The following UBLCP1 variants were observed in gnomAD, a reference collection of about 807,000 sequenced individuals.
UBLCP1 encodes the protein ubiquitin like domain containing CTD phosphatase 1.
A neutral mutation model predicts 42.4 loss-of-function variants in UBLCP1; 28 were observed. The ratio of observed to expected loss-of-function variants is 0.66; its 90% CI spans 0.49 to 0.90. The LOEUF (loss-of-function observed/expected upper bound fraction) is 0.90, where lower values mean the gene tolerates loss of function less well. Ranked by LOEUF, UBLCP1 falls within the 40% of genes least tolerant of loss-of-function variation. The probability of loss-of-function intolerance (pLI) is 0.00; values close to 1 mark genes in which losing one functional copy is unlikely to be tolerated. For synonymous variants in UBLCP1, 122 were observed against 120.8 expected (o/e 1.01, Z -0.07); for missense variants, 279 against 374.5 (o/e 0.75, Z 2.10).
intron 1 of UBLCP1, among the ~76,000 whole-genome samples, chr5:159,267,327 G>A (rs1323413436): frequency 6.6e-6 from 1 of 152,100 alleles, no homozygotes; most frequent in Non-Finnish European, 1.5e-5. Flanking sequence ...GACTTGCATG[G>A]GCCCTGTAAC....
At chr5:159,275,368 G>T in intron 8 of UBLCP1, 122 bp downstream of exon 8, 36 of 366,978 alleles carry the variant, frequency 9.8e-5, no homozygotes, top group Non-Finnish European at 1.3e-4. Flanking sequence ...AAGTGGTTGA[G>T]TTTTGACATA....
At chr5:159,270,289 T>C (rs1413431046) in intron 3 of UBLCP1, 71 bp from the exon 4 acceptor site, 1 of 1,251,320 alleles carries the variant, frequency 8.0e-7, no homozygotes, top group Non-Finnish European at 1.1e-6. Flanking sequence ...TCTCATTTTA[T>C]TTTTATGCTA....
intron 1 of UBLCP1, among the ~76,000 whole-genome samples, chr5:159,266,072 G>A (rs773729037): frequency 3.2e-4 from 48 of 152,298 alleles, no homozygotes; most frequent in African/African-American, 1.0e-3. Context: ...ACCCGAAAAC[G>A]TGGAAGCAAC....
chr5:159,279,195 C>T (rs1753575327), intron 9 of UBLCP1, among the ~76,000 whole-genome samples: 1 of 152,160 alleles, frequency 6.6e-6, no homozygotes, highest in Non-Finnish European at 1.5e-5. Context: ...TCCTGACTTG[C>T]CCAAGATTGT....
At chr5:159,282,755 TATCTC>T (rs1177862638) in intron 9 of UBLCP1, among the ~76,000 whole-genome samples, 1 of 152,114 alleles carries the variant, frequency 6.6e-6, no homozygotes, top group Non-Finnish European at 1.5e-5. Flanking sequence ...TGTATAATGA[TATCTC>T]AGCTATATAA....
chr5:159,285,428 G>T lies in UBLCP1; in HGVS notation c.*497G>T, dbSNP rs1343687302. The T allele has an allele frequency of 1.3e-5, 2 of 149,828 alleles. No homozygotes were observed. Among genetic ancestry groups the T allele is most frequent in the African/African-American group, 4.9e-5 (2 of 40,532 alleles). 9.3% of individuals were successfully genotyped at this position (149,828 alleles called of 1,614,324 possible). ...AACAAAAAAAAACTTTTTAATTAAA[G>T]AACCTAGTTTGCTATGCTTAAAATT... On this transcript the variant is annotated 3_prime_UTR_variant, in exon 11 of 11. Coordinates refer to ENST00000296786, the MANE Select transcript of UBLCP1 (RefSeq NM_145049.5).
At chr5:159,275,115 A>G (rs376244505) in intron 7 of UBLCP1, 33 bp from the exon 8 acceptor site, 22 of 1,581,860 alleles carry the variant, frequency 1.4e-5, no homozygotes, top group East Asian at 6.7e-5. Flanking sequence ...CCACACTACT[A>G]TGTTTTAACC....
chr5:159,279,994 C>A (rs1753589192), intron 9 of UBLCP1, among the ~76,000 whole-genome samples: 3 of 152,036 alleles, frequency 2.0e-5, no homozygotes, highest in Admixed American at 2.0e-4. Flanking sequence ...GAGCTCCATT[C>A]ATCTCTTGAT....
chr5:159,285,190 C>G lies in UBLCP1; in HGVS notation c.*259C>G, dbSNP rs910399979. On this transcript the variant is annotated 3_prime_UTR_variant, in exon 11 of 11. Coordinates refer to ENST00000296786, the MANE Select transcript of UBLCP1 (RefSeq NM_145049.5). ...AGCGTTGGTTACTGACCACCCCACC[C>G]TCCCACCACACACACACACACACAC... The G allele has an allele frequency of 3.2e-5, 13 of 407,442 alleles. No homozygotes were observed. The highest frequency in any genetic ancestry group is 2.9e-4 in the African/African-American group (13 of 45,432). 25.2% of individuals were successfully genotyped at this position (407,442 alleles called of 1,614,324 possible).
intron 6 of UBLCP1, among the ~76,000 whole-genome samples, chr5:159,272,413 T>C (rs1234562683): frequency 6.6e-6 from 1 of 151,652 alleles, no homozygotes; most frequent in Admixed American, 6.6e-5. Context: ...CCTTCTGATT[T>C]TTTTTTTTTT....
At chr5:159,284,242 A>G (rs781049629) in intron 10 of UBLCP1, among the ~76,000 whole-genome samples, 4 of 152,112 alleles carry the variant, frequency 2.6e-5, no homozygotes, top group Non-Finnish European at 5.9e-5. Context: ...AAAGTGAGCA[A>G]ATTGTACCAG....
At position 159,285,034 on chromosome 5, in the gene UBLCP1, C is replaced by T. The variant is rs1753654920; in HGVS notation, c.*103C>T. On this transcript the variant is annotated 3_prime_UTR_variant, in exon 11 of 11. Coordinates refer to ENST00000296786, the MANE Select transcript of UBLCP1 (RefSeq NM_145049.5). ...TAGTGCTGGACACTGAAGCAAATAC[C>T]ATACTGCTTATACTTGGTCTTCCAG... 2.2e-5 allele frequency: 24 copies of T among 1,081,984 alleles called. No individual in the cohort carries two copies. In the South Asian group the frequency reaches 2.8e-4, roughly 13 times the overall value. 67.0% of individuals were successfully genotyped at this position (1,081,984 alleles called of 1,614,324 possible). A position where few individuals can be genotyped will look rare whatever the true frequency, so the allele number is the denominator to read the frequency against.
chr5:159,284,167 C>A (rs1753642630), intron 10 of UBLCP1, among the ~76,000 whole-genome samples: 1 of 152,114 alleles, frequency 6.6e-6, no homozygotes, highest in African/African-American at 2.4e-5. Context: ...ATTTTTACCC[C>A]CATCTTTAAA....
At chr5:159,283,572 G>A (rs2113324410) in intron 10 of UBLCP1, among the ~76,000 whole-genome samples, 1 of 152,116 alleles carries the variant, frequency 6.6e-6, no homozygotes, top group East Asian at 1.9e-4. Flanking sequence ...ACTTCTAGAA[G>A]AGAGAACTTG....
intron 1 of UBLCP1, 117 bp downstream of exon 1, chr5:159,263,477 T>TC (rs1441652282): frequency 6.6e-6 from 1 of 152,280 alleles, no homozygotes; most frequent in African/African-American, 2.4e-5. Flanking sequence ...GGGGATAGTG[T>TC]CTGTCCTAGT....
At chr5:159,270,766 T>C (rs370731640) in intron 5 of UBLCP1, 123 bp downstream of exon 5, 1 of 599,864 alleles carries the variant, frequency 1.7e-6, no homozygotes, top group South Asian at 2.8e-5. Context: ...ACTTTTCTTA[T>C]TACAAAAGTA....
At chr5:159,268,328 GTTAA>G (rs2113310595) in intron 1 of UBLCP1, among the ~76,000 whole-genome samples, 1 of 152,322 alleles carries the variant, frequency 6.6e-6, no homozygotes, top group East Asian at 1.9e-4. Context: ...CCTTGTAAAT[GTTAA>G]TTAAGTTAAT....
At chr5:159,267,960 A>G (rs181325717) in intron 1 of UBLCP1, among the ~76,000 whole-genome samples, 1 of 151,980 alleles carries the variant, frequency 6.6e-6, no homozygotes, top group African/African-American at 2.4e-5. Context: ...TAATACACTG[A>G]TCTTTGATGC....
At chr5:159,271,636 C>A (rs922475719) in intron 5 of UBLCP1, among the ~76,000 whole-genome samples, 7 of 152,070 alleles carry the variant, frequency 4.6e-5, no homozygotes, top group Non-Finnish European at 1.0e-4. Context: ...ATTGGCCTGT[C>A]ATTTTGATGA....
Sources: allele counts gnomAD v4.1 joint callset (sites outside exome capture counted in the v4.1 genomes callset), GRCh38; gene constraint gnomAD v4.1.1; transcripts MANE v1.5; gene names NCBI Gene and HGNC (gene_info 2026-07-23, HGNC 2026-07-21).